The following DLG2 variants were observed in gnomAD, a reference collection of about 807,000 sequenced individuals.
The protein encoded by DLG2 is disks large homolog 2.
Under a neutral mutation model 132.5 loss-of-function variants are expected in DLG2, and 45 were observed. The ratio of observed to expected loss-of-function variants is 0.34; its 90% confidence interval spans 0.27 to 0.44. The LOEUF (loss-of-function observed/expected upper bound fraction) is 0.44. Among genes scored for constraint, DLG2 ranks in the 20% least tolerant of loss-of-function variants. The probability of loss-of-function intolerance (pLI) is 1.00; values close to 1 mark genes in which losing one functional copy is unlikely to be tolerated. For synonymous variants in DLG2, 424 were observed against 419.6 expected, an observed-to-expected ratio of 1.01 and a Z score of -0.13; for missense variants, 1,045 against 1,196.9, an observed-to-expected ratio of 0.87 and a Z score of 1.87.
At chr11:85,604,574 C>A (rs1390511792) in intron 2 of DLG2, among the ~76,000 whole-genome samples, 1 of 151,860 alleles carries the variant, frequency 6.6e-6, no homozygotes, top group Admixed American at 6.6e-5. Flanking sequence ...ATCTAAATTG[C>A]CTCAATTCTC....
At chr11:83,994,978 C>CGT (rs1565955596) in intron 11 of DLG2, among the ~76,000 whole-genome samples, 1 of 143,726 alleles carries the variant, frequency 7.0e-6, no homozygotes, top group Non-Finnish European at 1.5e-5. Context: ...TTTCTGTGTC[C>CGT]ATTTTTTTTT....
At chr11:84,568,641 T>C (rs960734994) in intron 6 of DLG2, among the ~76,000 whole-genome samples, 4 of 152,168 alleles carry the variant, frequency 2.6e-5, no homozygotes, top group African/African-American at 9.7e-5. Context: ...CAGCCTTAGA[T>C]CCTACCCCAA....
In DLG2 at chr11:84,750,798, A is replaced by G. The variant is rs185028031; in HGVS notation, c.358-216067T>C. Among the ~76,000 whole-genome samples the G allele has an allele frequency of 8.5e-3, 1,289 of 152,278 alleles. 12 individuals carry two copies. The highest frequency in any genetic ancestry group is 0.01 in the Non-Finnish European group (707 of 68,016). The stretch of plus-strand genomic sequence containing the variant: ...AATCACATCTGGAATGGATACTAGG[A>G]TGATATGTGTAATTTATGATCTTAC... On this transcript the variant is annotated intron_variant, in intron 6 of 27. Transcript: ENST00000376104.
At chr11:84,725,290 C>A (rs1231577255) in intron 6 of DLG2, among the ~76,000 whole-genome samples, 3 of 151,966 alleles carry the variant, frequency 2.0e-5, no homozygotes, top group Non-Finnish European at 4.4e-5. Flanking sequence ...TCCTTATGAC[C>A]CCTATAAGGA....
chr11:84,911,911 T>C (rs959275008), intron 6 of DLG2, among the ~76,000 whole-genome samples: 1 of 152,156 alleles, frequency 6.6e-6, no homozygotes, highest in African/African-American at 2.4e-5. Flanking sequence ...GGCTGGGAGA[T>C]ATATAACTGC....
At chr11:85,203,874 G>C (rs566000299) in intron 4 of DLG2, among the ~76,000 whole-genome samples, 1 of 152,132 alleles carries the variant, frequency 6.6e-6, no homozygotes, top group Admixed American at 6.6e-5. Context: ...TGCACAGATG[G>C]TTCAACCTAC....
intron 7 of DLG2, among the ~76,000 whole-genome samples, chr11:84,502,678 G>T (rs912679294): frequency 7.9e-5 from 12 of 151,940 alleles, no homozygotes; most frequent in Non-Finnish European, 1.8e-4. Context: ...CATTACAGGA[G>T]AACCATTTCA....
At chr11:83,552,942 C>T (rs2096428311) in intron 19 of DLG2, among the ~76,000 whole-genome samples, 2 of 152,208 alleles carry the variant, frequency 1.3e-5, no homozygotes, top group African/African-American at 4.8e-5. Context: ...ACTCTCTGTG[C>T]CACATTGTAA....
chr11:85,197,276 GT>G (rs1314795015), intron 4 of DLG2, among the ~76,000 whole-genome samples: 1 of 152,026 alleles, frequency 6.6e-6, no homozygotes, highest in Non-Finnish European at 1.5e-5. Flanking sequence ...CCAGAGTTCT[GT>G]TTTTTTCTTG....
intron 6 of DLG2, among the ~76,000 whole-genome samples, chr11:84,552,318 T>G (rs1036427325): frequency 6.6e-6 from 1 of 152,180 alleles, no homozygotes. Context: ...TTCCTTTCTC[T>G]GCTTCTTCAT....
intron 17 of DLG2, among the ~76,000 whole-genome samples, chr11:83,798,177 G>T (rs903308592): frequency 3.3e-5 from 5 of 152,160 alleles, no homozygotes; most frequent in African/African-American, 7.2e-5. Context: ...AGAATACTGG[G>T]TTTAGACCCG....
chr11:84,141,996 A>C (rs1387011122), intron 9 of DLG2, among the ~76,000 whole-genome samples: 1 of 152,012 alleles, frequency 6.6e-6, no homozygotes, highest in Non-Finnish European at 1.5e-5. Flanking sequence ...CCATCTTTCT[A>C]GCTCCAGGTA....
chr11:83,580,668 C>A (rs1337744255), intron 19 of DLG2, among the ~76,000 whole-genome samples: 1 of 152,164 alleles, frequency 6.6e-6, no homozygotes, highest in East Asian at 1.9e-4. Flanking sequence ...AGTACCACTA[C>A]CCACTCCTAT....
chr11:83,655,829 C>T (rs988811908), intron 18 of DLG2, among the ~76,000 whole-genome samples: 17 of 152,324 alleles, frequency 1.1e-4, no homozygotes, highest in African/African-American at 4.1e-4. Context: ...TCCACTGCCC[C>T]CAATGTGTAT....
In DLG2 at chr11:85,492,889, T is replaced by G. The variant is rs559723035; in HGVS notation, c.40+105768A>C. ...TTAAGGTATAAAAAGAAAAAATAAG[T>G]TGCCTTTACATGCCCTAAATTAAAA... On this transcript the variant is annotated intron_variant, in intron 3 of 27. Transcript: ENST00000376104. 7.0e-4 allele frequency among the ~76,000 whole-genome samples: 106 copies of G among 152,222 alleles called. 1 individual carries two copies. The highest frequency in any genetic ancestry group is 2.5e-3 in the African/African-American group (103 of 41,542).
intron 18 of DLG2, among the ~76,000 whole-genome samples, chr11:83,718,028 G>A (rs1470242851): frequency 1.3e-5 from 2 of 152,136 alleles, no homozygotes; most frequent in Non-Finnish European, 2.9e-5. Context: ...AACCTGCTCC[G>A]TACTCCCTCT....
chr11:84,978,647 G>C lies in DLG2; in HGVS notation c.357+133014C>G, dbSNP rs557555893. Among the ~76,000 whole-genome samples the C allele has an allele frequency of 7.0e-4, 107 of 152,052 alleles. 1 individual carries two copies. The South Asian group carries it at 8.3e-3, about 12-fold the overall frequency. On this transcript the variant is annotated intron_variant, in intron 6 of 27. Coordinates refer to ENST00000376104, the MANE Select transcript of DLG2 (RefSeq NM_001142699.3). ...CTGAAACTGGATCCCTTCCTTACAC[G>C]TTATACAAAAATTAATTCAAGATGG...
At chr11:85,179,387 A>C (rs2079541370) in intron 4 of DLG2, among the ~76,000 whole-genome samples, 2 of 152,064 alleles carry the variant, frequency 1.3e-5, no homozygotes, top group South Asian at 4.1e-4. Flanking sequence ...TGAGCAAATA[A>C]ATAAATAAAA....
intron 3 of DLG2, among the ~76,000 whole-genome samples, chr11:85,487,709 G>A (rs1463063906): frequency 5.3e-5 from 8 of 152,088 alleles, no homozygotes. Context: ...CAAATTATTG[G>A]TAGTTCCAAG....
Sources: allele counts gnomAD v4.1 joint callset (sites outside exome capture counted in the v4.1 genomes callset), GRCh38; gene constraint gnomAD v4.1.1; transcripts MANE v1.5; gene names NCBI Gene and HGNC (gene_info 2026-07-23, HGNC 2026-07-21).